SDK1: variants seen among roughly 807,000 people sequenced by gnomAD.
SDK1 encodes sidekick cell adhesion molecule 1, also known as protein sidekick-1.
SDK1 carries 157 observed loss-of-function variants against 245.5 expected under a neutral mutation model. The ratio of observed to expected loss-of-function variants is 0.64; its 90% CI spans 0.56 to 0.73. The LOEUF is 0.73. Ranked by LOEUF, SDK1 falls within the 30% of genes least tolerant of loss-of-function variation. The pLI, the probability that SDK1 is intolerant of heterozygous loss-of-function variation, is 0.00. For synonymous variants in SDK1, 1,647 were observed against 1,278.5 expected, an observed-to-expected ratio of 1.29 and a Z score of -6.15; for missense variants, 3,583 against 3,002.3, an observed-to-expected ratio of 1.19 and a Z score of -4.52.
At chr7:4,231,875 C>A (rs1242338125) in intron 40 of SDK1, among the ~76,000 whole-genome samples, 1 of 152,070 alleles carries the variant, frequency 6.6e-6, no homozygotes, top group Non-Finnish European at 1.5e-5. Context: ...GTTTCCGGAG[C>A]AGTCTCAGTG....
chr7:4,250,889 G>A (rs1462626687), intron 44 of SDK1, among the ~76,000 whole-genome samples: 1 of 152,090 alleles, frequency 6.6e-6, no homozygotes, highest in East Asian at 1.9e-4. Context: ...CCACAATTTT[G>A]GAACTTTTTC....
chr7:3,787,860 G>A (rs2115019501), intron 4 of SDK1, among the ~76,000 whole-genome samples: 1 of 152,312 alleles, frequency 6.6e-6, no homozygotes, highest in East Asian at 1.9e-4. Context: ...TGGTTTCATT[G>A]GGGCCCTTCT....
chr7:4,234,318 A>C (rs1368650147), intron 41 of SDK1, among the ~76,000 whole-genome samples: 2 of 152,044 alleles, frequency 1.3e-5, no homozygotes, highest in Non-Finnish European at 2.9e-5. Flanking sequence ...GTCCAGGTCC[A>C]GGTCTGCTCT....
chr7:3,708,216 C>T (rs187375475), intron 4 of SDK1, among the ~76,000 whole-genome samples: 1 of 152,304 alleles, frequency 6.6e-6, no homozygotes, highest in East Asian at 1.9e-4. Flanking sequence ...AACTCACTCA[C>T]TATCACAAGG....
chr7:4,048,706 T>C (rs1040724009), intron 17 of SDK1, among the ~76,000 whole-genome samples: 1 of 152,232 alleles, frequency 6.6e-6, no homozygotes, highest in Non-Finnish European at 1.5e-5. Flanking sequence ...GCAGAGCATC[T>C]GCCTCTTACA....
At chr7:4,022,861 C>T (rs893737998) in intron 17 of SDK1, among the ~76,000 whole-genome samples, 3 of 151,504 alleles carry the variant, frequency 2.0e-5, no homozygotes. Flanking sequence ...GCAAGCTCCA[C>T]CTCCTGGGTT....
chr7:3,515,521 A>G (rs890764364), intron 1 of SDK1, among the ~76,000 whole-genome samples: 57 of 152,146 alleles, frequency 3.7e-4, no homozygotes, highest in Non-Finnish European at 5.9e-4. Flanking sequence ...GTCCTTTTTA[A>G]TTTATGCTTA....
chr7:3,871,544 A>C (rs534733054), intron 5 of SDK1, among the ~76,000 whole-genome samples: 34 of 152,390 alleles, frequency 2.2e-4, no homozygotes, highest in Middle Eastern at 3.4e-3. Flanking sequence ...TAGGCTGTGC[A>C]GGAAGCACGG....
intron 4 of SDK1, among the ~76,000 whole-genome samples, chr7:3,719,644 C>T (rs1046239066): frequency 2.6e-5 from 4 of 152,032 alleles, no homozygotes; most frequent in African/African-American, 7.2e-5. Context: ...AAAAAGAAAA[C>T]TCAAAAAAGT....
chr7:4,082,984 A>T (rs1297369033), intron 22 of SDK1, among the ~76,000 whole-genome samples: 2 of 152,058 alleles, frequency 1.3e-5, no homozygotes, highest in Non-Finnish European at 2.9e-5. Context: ...ATTTTCCAAA[A>T]CATCTCTTTA....
At chr7:3,328,260 GTGT>G (rs1016629851) in intron 1 of SDK1, among the ~76,000 whole-genome samples, 8 of 152,016 alleles carry the variant, frequency 5.3e-5, no homozygotes, top group African/African-American at 1.9e-4. Flanking sequence ...GTATATTGTG[GTGT>G]TATTTTGAAT....
chr7:3,628,841 C>G (rs1782196822), intron 2 of SDK1, among the ~76,000 whole-genome samples: 1 of 152,072 alleles, frequency 6.6e-6, no homozygotes, highest in African/African-American at 2.4e-5. Flanking sequence ...AAGGTGAGCC[C>G]TATGTTTGCC....
At chr7:3,949,690 G>T (rs12531195) in intron 5 of SDK1, among the ~76,000 whole-genome samples, 9 of 152,116 alleles carry the variant, frequency 5.9e-5, no homozygotes, top group Admixed American at 3.9e-4. Flanking sequence ...GTGTACTGTG[G>T]GTAGTTTAAT....
intron 4 of SDK1, among the ~76,000 whole-genome samples, chr7:3,718,167 T>C (rs948483475): frequency 2.0e-5 from 3 of 152,178 alleles, no homozygotes; most frequent in East Asian, 3.9e-4. Flanking sequence ...GAAGAAACTT[T>C]ATGAGCATAT....
rs547277662 is a variant in SDK1 at position 3,416,710 on chromosome 7, C to T, written c.298+114826C>T. Among the ~76,000 whole-genome samples, 17 of 152,256 alleles carry T rather than the reference C, an allele frequency of 1.1e-4. No individual in the cohort carries two copies. In the South Asian group the frequency reaches 1.5e-3, roughly 13 times the overall value. ...AGAAGAACATAGGAAGCCCTGCTGA[C>T]GTCAGGCTTAAGCTGTATTCTCCAG... On this transcript the variant is annotated intron_variant, in intron 1 of 44. Coordinates refer to ENST00000404826, the MANE Select transcript of SDK1 (RefSeq NM_152744.4).
intron 1 of SDK1, among the ~76,000 whole-genome samples, chr7:3,324,729 G>C (rs141531015): frequency 3.3e-4 from 50 of 152,248 alleles, no homozygotes; most frequent in African/African-American, 1.1e-3. Context: ...ATCCTAATGG[G>C]TTCAATTTGA....
Position 3,895,158 on chromosome 7 carries a change from G to A in SDK1, c.848-55765G>A, listed in dbSNP as rs936589437. On this transcript the variant is annotated intron_variant, in intron 5 of 44. Coordinates refer to ENST00000404826, the MANE Select transcript of SDK1 (RefSeq NM_152744.4). ...GAGGATATCATTGCAGTTCAAGAAAGAAATCATAAGTAGTAATTAAGGGGC... is the reference window on the plus strand; with the variant it reads ...GAGGATATCATTGCAGTTCAAGAAAAAAATCATAAGTAGTAATTAAGGGGC... Among the ~76,000 whole-genome samples the A allele has an allele frequency of 5.9e-5, 9 of 152,176 alleles. No homozygotes were observed. The East Asian group carries it at 1.3e-3, about 23-fold the overall frequency.
At chr7:3,934,029 A>C (rs1780072497) in intron 5 of SDK1, among the ~76,000 whole-genome samples, 1 of 152,220 alleles carries the variant, frequency 6.6e-6, no homozygotes, top group Non-Finnish European at 1.5e-5. Flanking sequence ...TCCTGGGGGC[A>C]TTCACCAGCC....
At chr7:3,373,588 A>T (rs1781281728) in intron 1 of SDK1, among the ~76,000 whole-genome samples, 1 of 152,054 alleles carries the variant, frequency 6.6e-6, no homozygotes, top group Non-Finnish European at 1.5e-5. Flanking sequence ...AGAAACATTT[A>T]AGCTTCCCAA....
Sources: gnomAD v4.1 joint callset for allele counts (sites outside exome capture counted in the v4.1 genomes callset) on GRCh38, gnomAD v4.1.1 for gene constraint, MANE v1.5 for transcripts, NCBI Gene and HGNC (gene_info 2026-07-23, HGNC 2026-07-21) for gene names.